PDHX: variants seen among roughly 807,000 people sequenced by gnomAD.
PDHX encodes the protein pyruvate dehydrogenase protein X component, mitochondrial.
In PDHX, 33 loss-of-function variants were observed where a neutral mutation model predicts 55.3. The ratio of observed to expected loss-of-function variants is 0.60; its 90% CI spans 0.45 to 0.80. PDHX has a LOEUF of 0.80. PDHX is among the 30% of genes least tolerant of loss of function. The probability of loss-of-function intolerance (pLI) is 0.00; values close to 1 mark genes in which losing one functional copy is unlikely to be tolerated. For missense variants in PDHX, 622 were observed against 619.9 expected (o/e 1.00, Z -0.04); for synonymous variants, 226 against 219.4 (o/e 1.03, Z -0.27).
rs1855833873 is a variant in PDHX, at chr11:34,995,104, G to A, written c.1438G>A (p.Asp480Asn). The change falls in exon 11 of 11, where the codon GAC (aspartate) becomes AAC (asparagine). Residue 480 changes from aspartate (D) to asparagine (N), a missense_variant. Coordinates refer to ENST00000227868, the MANE Select transcript of PDHX (RefSeq NM_003477.3). ...TMSSDSRVVD[D>N]ELATRFLKSF... is the part of the protein sequence containing the mutation. ...GTCAAGTGACAGTCGAGTGGTTGAT[G>A]ACGAACTGGCAACCAGGTTTCTTAA... is the stretch of plus-strand genomic sequence containing the variant. 2 of 1,614,038 alleles carry A rather than the reference G, an allele frequency of 1.2e-6. No individual in the cohort carries two copies. The highest frequency in any genetic ancestry group is 1.1e-5 in the South Asian group (1 of 91,078).
upstream of PDHX, chr11:34,916,186 TCTC>T (rs1213920883): frequency 2.0e-5 from 32 of 1,594,294 alleles, no homozygotes; most frequent in Non-Finnish European, 2.6e-5. Flanking sequence ...CGCCTGGGCC[TCTC>T]CTCCTGGGAA....
chr11:34,980,431 C>T (rs1318829958), intron 8 of PDHX, among the ~76,000 whole-genome samples: 5 of 135,452 alleles, frequency 3.7e-5, no homozygotes, highest in Non-Finnish European at 6.1e-5. Context: ...GAAGGGGACC[C>T]GAGTGGATTG....
chr11:34,940,340 A>G (rs567847230), intron 2 of PDHX, among the ~76,000 whole-genome samples: 1 of 152,350 alleles, frequency 6.6e-6, no homozygotes, highest in East Asian at 1.9e-4. Flanking sequence ...GTTACTGTAT[A>G]AAATTCAGAA....
intron 2 of PDHX, among the ~76,000 whole-genome samples, chr11:34,942,259 C>T (rs935352161): frequency 2.0e-5 from 3 of 151,964 alleles, no homozygotes; most frequent in Non-Finnish European, 2.9e-5. Flanking sequence ...GGAAAAAAAC[C>T]GTATCTTGAT....
At chr11:34,963,444 AT>A (rs1372489727) in intron 5 of PDHX, among the ~76,000 whole-genome samples, 2 of 152,136 alleles carry the variant, frequency 1.3e-5, no homozygotes, top group East Asian at 3.9e-4. Context: ...GCCTGGCTAA[AT>A]TTTTAAAACA....
At position 34,984,716 on chromosome 11, in the gene PDHX, T is replaced by G; in HGVS notation, c.1170T>G (p.Ala390=). 1 of 1,614,008 alleles carries G rather than the reference T, an allele frequency of 6.2e-7. No homozygotes were observed. The highest frequency in any genetic ancestry group is 8.5e-7 in the Non-Finnish European group (1 of 1,179,864). Residue 390 remains alanine, a synonymous_variant, in exon 9 of 11, where the codon GCT becomes GCG. Transcript: ENST00000227868. ...DAAAKGIQEI[A]DSVKALSKKA... is the part of the protein sequence containing the mutation. ...CTGCTAAAGGTATCCAGGAAATTGC[T>G]GACTCTGTAAAGGTATGTCTTAAGA...
intron 2 of PDHX, among the ~76,000 whole-genome samples, chr11:34,942,630 T>C (rs1167068525): frequency 3.3e-5 from 5 of 152,222 alleles, no homozygotes; most frequent in African/African-American, 4.8e-5. Flanking sequence ...TCATGGCTCA[T>C]TATTTGCTCT....
rs373466807 is a variant in PDHX at position 34,931,514 on chromosome 11, T to C, written c.241+30T>C. 1.3e-3 allele frequency: 1,651 copies of C among 1,239,804 alleles called. 4 individuals carry two copies. Among genetic ancestry groups the C allele is most frequent in the Non-Finnish European group, 1.7e-3 (1,487 of 849,926 alleles). 76.8% of individuals were successfully genotyped at this position (1,239,804 alleles called of 1,614,324 possible). A position where few individuals can be genotyped will look rare whatever the true frequency, so the allele number is the denominator to read the frequency against. On this transcript the variant is annotated intron_variant, in intron 2 of 10. Transcript: ENST00000227868. ...GGAGGTACCTTCCTAATGTCCTGTG[T>C]GCTTTGTTATTTGGTTATTTTGTTT...
intron 3 of PDHX, among the ~76,000 whole-genome samples, chr11:34,952,153 A>G (rs976676018): frequency 6.6e-6 from 1 of 152,038 alleles, no homozygotes; most frequent in Non-Finnish European, 1.5e-5. Context: ...AAGAAGTTGA[A>G]TCTGAATAGA....
At position 34,957,375 on chromosome 11, in the gene PDHX, T is replaced by C; in HGVS notation, c.343-9T>C. 3.2e-6 allele frequency: 5 copies of C among 1,564,806 alleles called. No individual in the cohort carries two copies. Among genetic ancestry groups the C allele is most frequent in the Non-Finnish European group, 4.4e-6 (5 of 1,135,178 alleles). On this transcript the variant is annotated splice_polypyrimidine_tract_variant and intron_variant, in intron 3 of 10. Transcript: ENST00000227868. ...TACTTCTCTACAGTTACTTCTTTTTTAAATATAGGTTGAAGAAGGAAGTAA... is the reference window on the plus strand; with the variant it reads ...TACTTCTCTACAGTTACTTCTTTTTCAAATATAGGTTGAAGAAGGAAGTAA...
At chr11:34,916,139 G>A (rs1853679457), upstream of PDHX, 2 of 1,515,760 alleles carry the variant, frequency 1.3e-6, no homozygotes, top group Non-Finnish European at 1.8e-6. Context: ...TAAACGCCCG[G>A]CCCGCTACCC....
intron 2 of PDHX, among the ~76,000 whole-genome samples, chr11:34,945,637 A>G (rs1490374776): frequency 6.6e-6 from 1 of 151,948 alleles, no homozygotes; most frequent in Non-Finnish European, 1.5e-5. Context: ...CCTTTGATAG[A>G]TTTTTAAAAG....
chr11:34,979,729 C>G (rs1855466679), intron 8 of PDHX, among the ~76,000 whole-genome samples: 1 of 151,940 alleles, frequency 6.6e-6, no homozygotes, highest in Non-Finnish European at 1.5e-5. Flanking sequence ...TTTTGCACTC[C>G]TTAAATAAAT....
chr11:34,976,340 T>A lies in PDHX; in HGVS notation c.965-1784T>A, dbSNP rs539774039. ...TTTGATATTACCTTACAAACTGTTT[T>A]CTACTCAGTAAATGTAACAGCATCT... On this transcript the variant is annotated intron_variant, in intron 7 of 10. Transcript: ENST00000227868. Among the ~76,000 whole-genome samples the A allele has an allele frequency of 2.0e-5, 3 of 152,322 alleles. No individual in the cohort carries two copies. In the South Asian group the frequency reaches 6.2e-4, roughly 32 times the overall value.
chr11:34,984,900 C>A, intron 9 of PDHX, 172 bp downstream of exon 9: 2 of 619,306 alleles, frequency 3.2e-6, no homozygotes, highest in Non-Finnish European at 5.6e-6. Context: ...AAGTTTTTAT[C>A]CAAGTATGAC....
intron 5 of PDHX, among the ~76,000 whole-genome samples, chr11:34,964,773 A>ATATTAGCATAACTAATATTAGC (rs34896834): frequency 0.046 from 6,771 of 146,332 alleles, 344 homozygotes; most frequent in African/African-American, 0.091. Context: ...TAAATATGTA[A>ATATTAGCATAACTAATATTAGC]TATTAGCATA....
intron 3 of PDHX, among the ~76,000 whole-genome samples, chr11:34,956,142 C>G (rs1449535496): frequency 2.0e-5 from 3 of 151,998 alleles, no homozygotes; most frequent in Non-Finnish European, 2.9e-5. Context: ...TCTTGGCTTT[C>G]TTAGTATTCT....
At chr11:34,970,024 T>G in intron 6 of PDHX, 115 bp from the exon 7 acceptor site, 1 of 845,244 alleles carries the variant, frequency 1.2e-6, no homozygotes, top group Non-Finnish European at 1.9e-6. Context: ...TAATCTTTAA[T>G]TAATAAGTTA....
chr11:34,949,318 C>A (rs1854697971), intron 3 of PDHX, among the ~76,000 whole-genome samples: 3 of 152,166 alleles, frequency 2.0e-5, no homozygotes, highest in Admixed American at 2.0e-4. Flanking sequence ...TGGCTCATCA[C>A]AACCTCCGCC....
Sources: gnomAD v4.1 joint callset for allele counts (sites outside exome capture counted in the v4.1 genomes callset) on GRCh38, gnomAD v4.1.1 for gene constraint, MANE v1.5 for transcripts, NCBI Gene and HGNC (gene_info 2026-07-23, HGNC 2026-07-21) for gene names.